Variants in INSIG2 observed in about 807,000 individuals in gnomAD.
The protein encoded by INSIG2 is insulin induced gene 2.
A neutral mutation model predicts 27.2 loss-of-function variants in INSIG2; 10 were observed. That is an observed-to-expected ratio of 0.37 (90% CI 0.23 to 0.62). The LOEUF (loss-of-function observed/expected upper bound fraction) is 0.62, where lower values mean the gene tolerates loss of function less well. Ranked by LOEUF, INSIG2 falls within the 20% of genes least tolerant of loss-of-function variation. The probability of loss-of-function intolerance (pLI) is 0.65; values close to 1 mark genes in which losing one functional copy is unlikely to be tolerated. For synonymous variants in INSIG2, 97 were observed against 95.8 expected (o/e 1.01, Z -0.07); for missense variants, 178 against 270.2 (o/e 0.66, Z 2.39).
intron 1 of INSIG2, among the ~76,000 whole-genome samples, chr2:118,093,017 A>AT (rs1678297148): frequency 2.3e-5 from 3 of 127,994 alleles, no homozygotes; most frequent in East Asian, 2.4e-4. Flanking sequence ...GATGATGATG[A>AT]GGAGGAGGAG....
At chr2:118,101,462 A>G (rs1678542839) in intron 2 of INSIG2, among the ~76,000 whole-genome samples, 1 of 152,202 alleles carries the variant, frequency 6.6e-6, no homozygotes, top group Non-Finnish European at 1.5e-5. Flanking sequence ...ACATGTCAGT[A>G]TTCTCTATGT....
chr2:118,101,368 T>C (rs918352939), intron 2 of INSIG2, among the ~76,000 whole-genome samples: 1 of 152,248 alleles, frequency 6.6e-6, no homozygotes, highest in Non-Finnish European at 1.5e-5. Context: ...TTTTGCTTTC[T>C]CTCCTCAGTT....
At chr2:118,100,451 T>C (rs1271149555) in intron 2 of INSIG2, among the ~76,000 whole-genome samples, 1 of 139,116 alleles carries the variant, frequency 7.2e-6, no homozygotes, top group African/African-American at 2.6e-5. Flanking sequence ...CCATCTCGGC[T>C]TACTGCAACC....
At chr2:118,096,957 G>A (rs1182869169) in intron 2 of INSIG2, among the ~76,000 whole-genome samples, 157 bp downstream of exon 2, 1 of 152,188 alleles carries the variant, frequency 6.6e-6, no homozygotes, top group African/African-American at 2.4e-5. Flanking sequence ...ACAACTTGAT[G>A]TGTTTAGGCA....
In INSIG2 at chr2:118,107,327, A is replaced by G. The variant is rs376235283; in HGVS notation, c.636+138A>G. 244 of 627,532 alleles carry G rather than the reference A, an allele frequency of 3.9e-4. 1 individual carries two copies. Among genetic ancestry groups the G allele is most frequent in the South Asian group, 3.9e-3 (190 of 49,212 alleles). 38.9% of individuals were successfully genotyped at this position (627,532 alleles called of 1,614,324 possible). A position where few individuals can be genotyped will look rare whatever the true frequency, so the allele number is the denominator to read the frequency against. ...TTTTGCACTTCCATTGAAATAAATCATTTGGAAGAATTTAATCACAGGTGT... is the reference window on the plus strand; with the variant it reads ...TTTTGCACTTCCATTGAAATAAATCGTTTGGAAGAATTTAATCACAGGTGT... On this transcript the variant is annotated intron_variant, in intron 5 of 5. Coordinates refer to ENST00000245787, the MANE Select transcript of INSIG2 (RefSeq NM_016133.4).
intron 2 of INSIG2, 91 bp downstream of exon 2, chr2:118,096,891 A>G: frequency 2.2e-6 from 3 of 1,347,648 alleles, no homozygotes; most frequent in Non-Finnish European, 2.0e-6. Context: ...TTAAAAAAGA[A>G]AATATATTTA....
chr2:118,099,131 A>G (rs1308622948), intron 2 of INSIG2, among the ~76,000 whole-genome samples: 1 of 152,224 alleles, frequency 6.6e-6, no homozygotes, highest in African/African-American at 2.4e-5. Flanking sequence ...TAAGAAACAT[A>G]GTGTGTTTGA....
intron 5 of INSIG2, among the ~76,000 whole-genome samples, chr2:118,107,910 C>G (rs184661814): frequency 5.9e-4 from 90 of 152,240 alleles, no homozygotes; most frequent in African/African-American, 2.2e-3. Flanking sequence ...CAGCCCTATC[C>G]TTAAGTTCAT....
At chr2:118,102,285 C>G (rs1046712972) in intron 2 of INSIG2, among the ~76,000 whole-genome samples, 1 of 152,038 alleles carries the variant, frequency 6.6e-6, no homozygotes, top group Non-Finnish European at 1.5e-5. Context: ...AAATTCCTTC[C>G]CACTAAATGA....
chr2:118,108,593 T>C lies in INSIG2; in HGVS notation c.*271T>C, dbSNP rs1052977609. 1 of 264,624 alleles carries C rather than the reference T, an allele frequency of 3.8e-6. No homozygotes were observed. The highest frequency in any genetic ancestry group is 5.5e-5 in the Admixed American group (1 of 18,198). The allele number at this position is 264,624 out of a possible 1,614,324, so 16.4% of individuals were successfully genotyped here. A position where few individuals can be genotyped will look rare whatever the true frequency, so the allele number is the denominator to read the frequency against. ...TACTACATTAAAAAGTGTTGATTAA[T>C]AGATGAAATTTTTAAATTAATTTTT... On this transcript the variant is annotated 3_prime_UTR_variant, in exon 6 of 6. Coordinates refer to ENST00000245787, the MANE Select transcript of INSIG2 (RefSeq NM_016133.4).
chr2:118,096,404 T>C lies in INSIG2; in HGVS notation c.-138-15T>C. The stretch of plus-strand genomic sequence containing the variant: ...ATTAGATACACATTAATTTCTTTTT[T>C]CTTATCTCTTGCAGGATTTCTGGTA... On this transcript the variant is annotated splice_polypyrimidine_tract_variant and intron_variant, in intron 1 of 5. Transcript: ENST00000245787. 1 of 660,446 alleles carries C rather than the reference T, an allele frequency of 1.5e-6. No individual in the cohort carries two copies. Among genetic ancestry groups the C allele is most frequent in the Non-Finnish European group, 2.5e-6 (1 of 403,284 alleles). The allele number at this position is 660,446 out of a possible 1,614,324, so 40.9% of individuals were successfully genotyped here.
At chr2:118,100,649 A>T (rs1265408508) in intron 2 of INSIG2, among the ~76,000 whole-genome samples, 1 of 152,108 alleles carries the variant, frequency 6.6e-6, no homozygotes, top group Admixed American at 6.5e-5. Flanking sequence ...AAGTGCTGGG[A>T]TTACAGGTGT....
intron 2 of INSIG2, among the ~76,000 whole-genome samples, chr2:118,101,838 G>C (rs1678552827): frequency 6.6e-6 from 1 of 152,160 alleles, no homozygotes; most frequent in South Asian, 2.1e-4. Flanking sequence ...TTGATGTTCT[G>C]TGAGCCATCT....
At chr2:118,097,606 A>G (rs1317762118) in intron 2 of INSIG2, among the ~76,000 whole-genome samples, 1 of 152,208 alleles carries the variant, frequency 6.6e-6, no homozygotes, top group South Asian at 2.1e-4. Context: ...TATTGCTGCC[A>G]TACTTCCACA....
chr2:118,091,570 A>G (rs192397555), intron 1 of INSIG2, among the ~76,000 whole-genome samples: 2 of 152,150 alleles, frequency 1.3e-5, no homozygotes, highest in Admixed American at 6.5e-5. Context: ...TTTGTTTCGC[A>G]TGGGGGTCTC....
Position 118,108,328 on chromosome 2 carries a change from G to A in INSIG2, c.*6G>A. Reference sequence around the variant, plus strand: ...AAAAATCTCATCAGGAATGAAGAAGGCAAAAAATATCTTTTGTACAGAAAA... The same window carrying A: ...AAAAATCTCATCAGGAATGAAGAAGACAAAAAATATCTTTTGTACAGAAAA... On this transcript the variant is annotated 3_prime_UTR_variant, in exon 6 of 6. Transcript: ENST00000245787. 6.3e-7 allele frequency: 1 copy of A among 1,590,334 alleles called. No individual in the cohort carries two copies. The highest frequency in any genetic ancestry group is 8.6e-7 in the Non-Finnish European group (1 of 1,165,566).
intron 3 of INSIG2, among the ~76,000 whole-genome samples, chr2:118,103,741 CT>C (rs989545046): frequency 6.5e-4 from 95 of 145,160 alleles, no homozygotes; most frequent in Admixed American, 2.1e-3. Context: ...CTTAAAGAAG[CT>C]TTTTTTTTTT....
chr2:118,099,491 A>T (rs889460594), intron 2 of INSIG2, among the ~76,000 whole-genome samples: 12 of 152,170 alleles, frequency 7.9e-5, no homozygotes, highest in African/African-American at 2.7e-4. Flanking sequence ...GATAATGCTG[A>T]TGTTACAAGT....
chr2:118,104,849 A>G (rs915325528), intron 3 of INSIG2, among the ~76,000 whole-genome samples: 1 of 152,192 alleles, frequency 6.6e-6, no homozygotes, highest in African/African-American at 2.4e-5. Flanking sequence ...AAATTTAAAT[A>G]GCCTTTTCTG....
Sources: gnomAD v4.1 joint callset for allele counts (sites outside exome capture counted in the v4.1 genomes callset) on GRCh38, gnomAD v4.1.1 for gene constraint, MANE v1.5 for transcripts, NCBI Gene and HGNC (gene_info 2026-07-23, HGNC 2026-07-21) for gene names.